BTBD10: variants seen among roughly 807,000 people sequenced by gnomAD.
The protein encoded by BTBD10 is BTB domain containing 10.
A neutral mutation model predicts 53.2 loss-of-function variants in BTBD10; 21 were observed. The observed-to-expected ratio is 0.39, with a 90% CI of 0.28 to 0.57. The LOEUF is 0.57. BTBD10 is among the 20% of genes least tolerant of loss of function. The probability of loss-of-function intolerance (pLI) is 0.53; values close to 1 mark genes in which losing one functional copy is unlikely to be tolerated. For synonymous variants in BTBD10, 149 were observed against 192.7 expected, an observed-to-expected ratio of 0.77 and a Z score of 1.88; for missense variants, 360 against 594.7, an observed-to-expected ratio of 0.61 and a Z score of 4.10.
At chr11:13,462,121 T>C (rs1951114815) in intron 1 of BTBD10, among the ~76,000 whole-genome samples, 1 of 152,124 alleles carries the variant, frequency 6.6e-6, no homozygotes, top group East Asian at 1.9e-4. Flanking sequence ...ATTATATCTC[T>C]TATTCCGATT....
At chr11:13,390,833 A>AT (rs1482471718) in intron 8 of BTBD10, among the ~76,000 whole-genome samples, 2 of 152,186 alleles carry the variant, frequency 1.3e-5, no homozygotes, top group African/African-American at 4.8e-5. Flanking sequence ...TGTGTGGAGT[A>AT]TGTGTGTATG....
chr11:13,424,084 C>T (rs1235978883), intron 2 of BTBD10, among the ~76,000 whole-genome samples: 1 of 152,116 alleles, frequency 6.6e-6, no homozygotes, highest in Non-Finnish European at 1.5e-5. Flanking sequence ...AAAAAGGAAT[C>T]CACATTAAAT....
intron 1 of BTBD10, among the ~76,000 whole-genome samples, chr11:13,454,734 T>G (rs1397153689): frequency 1.3e-5 from 2 of 150,774 alleles, no homozygotes; most frequent in Non-Finnish European, 3.0e-5. Context: ...TTAAAAAGAT[T>G]TTTAAAAATA....
rs1031661695 is a variant in BTBD10, at chr11:13,439,822, T to C, written c.101+5202A>G. The stretch of plus-strand genomic sequence containing the variant: ...CACACATATCCCTCTCAATCTTTCT[T>C]TCAAATTCATATATGTAAATAATTA... On this transcript the variant is annotated intron_variant, in intron 2 of 8. Transcript: ENST00000278174. 17 of 1,344,930 alleles carry C rather than the reference T, an allele frequency of 1.3e-5. No individual in the cohort carries two copies. The African/African-American group carries it at 2.5e-4, about 20-fold the overall frequency. The allele number at this position is 1,344,930 out of a possible 1,614,324, so 83.3% of individuals were successfully genotyped here.
chr11:13,427,771 G>C (rs1950369745), intron 2 of BTBD10, among the ~76,000 whole-genome samples: 1 of 152,052 alleles, frequency 6.6e-6, no homozygotes, highest in Admixed American at 6.6e-5. Flanking sequence ...ATCATACAAA[G>C]TATGTTCTCT....
At chr11:13,461,215 C>T (rs1252028622) in intron 1 of BTBD10, among the ~76,000 whole-genome samples, 3 of 152,102 alleles carry the variant, frequency 2.0e-5, no homozygotes, top group African/African-American at 7.2e-5. Context: ...GAGGAGAATA[C>T]AACTATGGAC....
At chr11:13,458,071 G>A (rs1385623694) in intron 1 of BTBD10, among the ~76,000 whole-genome samples, 1 of 150,530 alleles carries the variant, frequency 6.6e-6, no homozygotes, top group East Asian at 2.0e-4. Context: ...GGAGGCTGGG[G>A]TGAGAGGATC....
At chr11:13,390,767 G>A (rs1275035799) in intron 8 of BTBD10, among the ~76,000 whole-genome samples, 3 of 152,210 alleles carry the variant, frequency 2.0e-5, no homozygotes, top group African/African-American at 7.2e-5. Context: ...ATCAATTAAT[G>A]ATTACTGCAT....
At chr11:13,430,784 C>A (rs1035342478) in intron 2 of BTBD10, among the ~76,000 whole-genome samples, 5 of 151,828 alleles carry the variant, frequency 3.3e-5, no homozygotes, top group African/African-American at 1.2e-4. Flanking sequence ...CTCTCCACCA[C>A]AAAAAATAAA....
At chr11:13,450,017 A>G (rs1438928335) in intron 1 of BTBD10, among the ~76,000 whole-genome samples, 1 of 152,192 alleles carries the variant, frequency 6.6e-6, no homozygotes, top group Admixed American at 6.5e-5. Context: ...CAGCTTTTCT[A>G]TTAATGTAAA....
rs1238074936 is a variant in BTBD10, at chr11:13,388,601, C to T, written c.*230G>A. On this transcript the variant is annotated 3_prime_UTR_variant, in exon 9 of 9. Coordinates refer to ENST00000278174, the MANE Select transcript of BTBD10 (RefSeq NM_032320.7). ...CATACAAAGAACCAATTTCACAAAC[C>T]TACTGGTAAACAAATACATTTACAA... 2.2e-6 allele frequency: 1 copy of T among 444,692 alleles called. No individual in the cohort carries two copies. Among genetic ancestry groups the T allele is most frequent in the Non-Finnish European group, 4.0e-6 (1 of 250,770 alleles). 27.5% of individuals were successfully genotyped at this position (444,692 alleles called of 1,614,324 possible). A position where few individuals can be genotyped will look rare whatever the true frequency, so the allele number is the denominator to read the frequency against.
chr11:13,392,505 A>G (rs1356863351), intron 8 of BTBD10, among the ~76,000 whole-genome samples: 2 of 152,186 alleles, frequency 1.3e-5, no homozygotes, highest in African/African-American at 4.8e-5. Context: ...AGCCATGAGT[A>G]AATTCTACTC....
intron 6 of BTBD10, among the ~76,000 whole-genome samples, chr11:13,408,515 T>C (rs1949874392): frequency 6.6e-6 from 1 of 152,224 alleles, no homozygotes; most frequent in Non-Finnish European, 1.5e-5. Context: ...CACATTTCTC[T>C]GCTGAACTTT....
At chr11:13,454,763 C>T (rs967768843) in intron 1 of BTBD10, among the ~76,000 whole-genome samples, 1 of 107,854 alleles carries the variant, frequency 9.3e-6, no homozygotes. Flanking sequence ...TTTATTTATT[C>T]TTTCATTCAA....
At position 13,406,414 on chromosome 11, in the gene BTBD10, C is replaced by G. The variant is rs140854366; in HGVS notation, c.809-558G>C. ...TTTCCTAAATGCACAGCCACAAACTCACCTGCACTGCTTTTTTCTTTTATT... is the reference window on the plus strand; with the variant it reads ...TTTCCTAAATGCACAGCCACAAACTGACCTGCACTGCTTTTTTCTTTTATT... On this transcript the variant is annotated intron_variant, in intron 6 of 8. Transcript: ENST00000278174. 2.4e-3 allele frequency among the ~76,000 whole-genome samples: 358 copies of G among 152,250 alleles called. 5 individuals carry two copies. The East Asian group carries it at 0.026, about 11-fold the overall frequency.
At position 13,403,163 on chromosome 11, in the gene BTBD10, C is replaced by G; in HGVS notation, c.1117+5G>C. ...AACTAATAGAAAATAATGAAAATGT[C>G]TTACCTTCTATTCCCAATCTAATCT... is the stretch of plus-strand genomic sequence containing the variant. On this transcript the variant is annotated splice_donor_5th_base_variant and intron_variant, in intron 8 of 8. Transcript: ENST00000278174. 6.9e-7 allele frequency: 1 copy of G among 1,443,632 alleles called. No individual in the cohort carries two copies. Among genetic ancestry groups the G allele is most frequent in the Non-Finnish European group, 9.4e-7 (1 of 1,066,750 alleles). The allele number at this position is 1,443,632 out of a possible 1,614,324, so 89.4% of individuals were successfully genotyped here.
At chr11:13,416,420 T>G (rs144314163) in intron 5 of BTBD10, among the ~76,000 whole-genome samples, 12 of 152,256 alleles carry the variant, frequency 7.9e-5, no homozygotes, top group African/African-American at 2.6e-4. Flanking sequence ...CAAATACATT[T>G]TGGAGATGAC....
intron 1 of BTBD10, among the ~76,000 whole-genome samples, chr11:13,462,154 A>G (rs1194575223): frequency 2.0e-5 from 3 of 151,968 alleles, no homozygotes; most frequent in African/African-American, 7.3e-5. Context: ...TTCATTGAAA[A>G]TTTATCCCTA....
chr11:13,424,169 T>C (rs536674899), intron 2 of BTBD10, among the ~76,000 whole-genome samples: 1 of 152,274 alleles, frequency 6.6e-6, no homozygotes, highest in East Asian at 1.9e-4. Flanking sequence ...TTTTCAACTA[T>C]AAGAAAGCAC....
Sources: gnomAD v4.1 joint callset for allele counts (sites outside exome capture counted in the v4.1 genomes callset) on GRCh38, gnomAD v4.1.1 for gene constraint, MANE v1.5 for transcripts, NCBI Gene and HGNC (gene_info 2026-07-23, HGNC 2026-07-21) for gene names.